Variants in ZNF23 observed in about 807,000 individuals in gnomAD.
ZNF23 encodes kruppel-like zinc finger factor X31.
A neutral mutation model predicts 56.2 loss-of-function variants in ZNF23; 48 were observed. The ratio of observed to expected loss-of-function variants is 0.85; its 90% CI spans 0.68 to 1.09. The LOEUF is 1.09. Ranked by LOEUF, ZNF23 falls within the 50% of genes least tolerant of loss-of-function variation. The pLI is 0.00. For missense variants in ZNF23, 805 were observed against 811.4 expected (o/e 0.99, Z 0.10); for synonymous variants, 266 against 283.3 (o/e 0.94, Z 0.61).
Position 71,456,786 on chromosome 16 carries a change from A to G in ZNF23, c.11T>C (p.Met4Thr). 2 of 986,008 alleles carry G rather than the reference A, an allele frequency of 2.0e-6. No homozygotes were observed. The highest frequency in any genetic ancestry group is 4.7e-5 in the South Asian group (1 of 21,282). The allele number at this position is 986,008 out of a possible 1,614,324, so 61.1% of individuals were successfully genotyped here. Residue 4 changes from methionine (M) to threonine (T), a missense_variant, in exon 2 of 5, where the codon ATG becomes ACG. Physicochemically the swap from Met to Thr is moderately conservative, Grantham distance 81. Coordinates refer to ENST00000647773, the MANE Select transcript of ZNF23 (RefSeq NM_001381984.1). MAAMHLTAWPQKSV... is the reference protein window; with the variant it reads MAATHLTAWPQKSV... Reference sequence around the variant, plus strand: ...CACCTGGGGCCAGGCTGTCAGGTGCATGGCTGCCATCCCCTGGTCCCCGTC... The same window carrying G: ...CACCTGGGGCCAGGCTGTCAGGTGCGTGGCTGCCATCCCCTGGTCCCCGTC...
intron 4 of ZNF23, 147 bp downstream of exon 4, chr16:71,453,096 T>C (rs1238001587): frequency 3.6e-6 from 2 of 557,374 alleles, no homozygotes; most frequent in Non-Finnish European, 6.5e-6. Context: ...AGATAAGGAC[T>C]ACCTATCTCT....
In ZNF23 at chr16:71,450,787, A is replaced by T. The variant is rs1188626866; in HGVS notation, c.269-902T>A. On this transcript the variant is annotated intron_variant, in intron 4 of 4. Coordinates refer to ENST00000647773, the MANE Select transcript of ZNF23 (RefSeq NM_001381984.1). Reference sequence around the variant, plus strand: ...TTGTCCACCAGCTCAGCATTCTTTTAATCACACCATGCTTTTCTACACCCT... The same window carrying T: ...TTGTCCACCAGCTCAGCATTCTTTTTATCACACCATGCTTTTCTACACCCT... 1.0e-5 allele frequency: 4 copies of T among 385,666 alleles called. No individual in the cohort carries two copies. The Admixed American group carries it at 1.2e-4, about 11-fold the overall frequency. 23.9% of individuals were successfully genotyped at this position (385,666 alleles called of 1,614,324 possible). A position where few individuals can be genotyped will look rare whatever the true frequency, so the allele number is the denominator to read the frequency against.
chr16:71,450,069 T>C (rs1339366974), intron 4 of ZNF23, 184 bp from the exon 5 acceptor site: 7 of 497,088 alleles, frequency 1.4e-5, no homozygotes, highest in Admixed American at 7.6e-5. Flanking sequence ...AAGAATACAA[T>C]AAATCCATAT....
chr16:71,450,458 C>T (rs2043016608), intron 4 of ZNF23: 1 of 250,424 alleles, frequency 4.0e-6, no homozygotes, highest in Non-Finnish European at 8.0e-6. Context: ...GTAGCTCACA[C>T]CTGTAATCCC....
intron 2 of ZNF23, among the ~76,000 whole-genome samples, chr16:71,454,396 G>A (rs923506039): frequency 1.2e-4 from 19 of 152,222 alleles, no homozygotes; most frequent in African/African-American, 4.6e-4. Flanking sequence ...CAAATAAGAG[G>A]TCACATTAAG....
chr16:71,448,861 A>C lies in ZNF23; in HGVS notation c.1293T>G (p.Gly431=), dbSNP rs771616601. 12 of 1,613,764 alleles carry C rather than the reference A, an allele frequency of 7.4e-6. No homozygotes were observed. The highest frequency in any genetic ancestry group is 1.0e-5 in the Non-Finnish European group (12 of 1,179,936). The change falls in exon 5 of 5, where the codon GGT becomes GGG. Residue 431 remains glycine, a synonymous_variant. Transcript: ENST00000647773. ...KLIQHQRIHT[G]EKPYECTECG... ...ATTCAGTGCATTCATAGGGTTTCTC[A>C]CCTGTGTGGATTCTCTGATGCTGAA...
At position 71,449,835 on chromosome 16, in the gene ZNF23, CTT is replaced by C; in HGVS notation, c.317_318del (p.Lys106ArgfsTer6). 3 of 1,611,882 alleles carry C rather than the reference CTT, an allele frequency of 1.9e-6. No individual in the cohort carries two copies. The highest frequency in any genetic ancestry group is 2.5e-6 in the Non-Finnish European group (3 of 1,179,600). On this transcript the variant is annotated frameshift_variant, in exon 5 of 5. Coordinates refer to ENST00000647773, the MANE Select transcript of ZNF23 (RefSeq NM_001381984.1). LOFTEE classifies it high-confidence loss of function. ...NDLTKEMYEG[K>X]ENVSFELQRD... ...CTTTGAAGTTCAAATGATACATTCT[CTT>C]TTCCTTCATACATTTCCTTTGTCAA...
chr16:71,460,057 A>C (rs1259177153), intron 1 of ZNF23, among the ~76,000 whole-genome samples: 5 of 152,238 alleles, frequency 3.3e-5, no homozygotes, highest in Non-Finnish European at 7.3e-5. Context: ...GGCTCAGCAG[A>C]GGAGCAGGTG....
intron 3 of ZNF23, chr16:71,453,637 A>G: frequency 2.1e-6 from 1 of 469,076 alleles, no homozygotes; most frequent in Non-Finnish European, 3.8e-6. Flanking sequence ...GACCTCATGC[A>G]GGGCAAGCAG....
rs2042916591 is a variant in ZNF23, at chr16:71,448,252, C to T, written c.1902G>A (p.Val634=). Residue 634 remains valine (V), a synonymous_variant, in exon 5 of 5, where the codon GTG becomes GTA. Transcript: ENST00000647773. ...SHTGEKPFRC[V]ECGKGFSFSS... ...TAAAGCTGAAGCCTTTGCCACATTC[C>T]ACACATCTGAAGGGTTTCTCCCCAG... The T allele has an allele frequency of 1.9e-6, 3 of 1,614,240 alleles. No homozygotes were observed. Among genetic ancestry groups the T allele is most frequent in the Non-Finnish European group, 2.5e-6 (3 of 1,180,038 alleles).
At position 71,448,141 on chromosome 16, in the gene ZNF23, G is replaced by A. The variant is rs1435388917; in HGVS notation, c.2013C>T (p.Ser671=). 6.2e-7 allele frequency: 1 copy of A among 1,613,462 alleles called. No individual in the cohort carries two copies. Among genetic ancestry groups the A allele is most frequent in the Non-Finnish European group, 8.5e-7 (1 of 1,179,824 alleles). The stretch of plus-strand genomic sequence containing the variant: ...CACTCTGATGCTGACTGAGCTGGAA[G>A]CTAAACCTGAATGCTTTCCCACACA... The part of the protein sequence containing the change: ...CSVCGKAFRF[S]FQLSQHQSVH... Residue 671 remains serine, a synonymous_variant, in exon 5 of 5, where the codon AGC becomes AGT. Coordinates refer to ENST00000647773, the MANE Select transcript of ZNF23 (RefSeq NM_001381984.1).
chr16:71,455,659 G>C (rs558414777), intron 2 of ZNF23, among the ~76,000 whole-genome samples: 2 of 152,180 alleles, frequency 1.3e-5, no homozygotes, highest in East Asian at 3.9e-4. Flanking sequence ...ACCCGGCCAT[G>C]ATTTTTCTAT....
At chr16:71,456,054 C>T (rs1475440348) in intron 2 of ZNF23, 10 of 456,400 alleles carry the variant, frequency 2.2e-5, no homozygotes, top group Non-Finnish European at 4.4e-5. Context: ...ACTGGTGTGA[C>T]TGTGGACTGT....
intron 4 of ZNF23, among the ~76,000 whole-genome samples, chr16:71,452,896 G>C (rs1384028677): frequency 6.6e-6 from 1 of 152,162 alleles, no homozygotes; most frequent in Non-Finnish European, 1.5e-5. Flanking sequence ...TGTGTGAAAA[G>C]GCTGTTAATT....
At position 71,458,432 on chromosome 16, in the gene ZNF23, C is replaced by T. The variant is rs146185701; in HGVS notation, c.-32-1604G>A. ...CAGAGCTAGTTTGCTTTTCCCACTTCTTCTTTTGAATATATGTGCTTTCTA... is the reference window on the plus strand; with the variant it reads ...CAGAGCTAGTTTGCTTTTCCCACTTTTTCTTTTGAATATATGTGCTTTCTA... On this transcript the variant is annotated intron_variant, in intron 1 of 4. Coordinates refer to ENST00000647773, the MANE Select transcript of ZNF23 (RefSeq NM_001381984.1). Among the ~76,000 whole-genome samples, 112 of 152,308 alleles carry T rather than the reference C, an allele frequency of 7.4e-4. 1 individual carries two copies. The highest frequency in any genetic ancestry group is 2.4e-3 in the African/African-American group (101 of 41,564).
chr16:71,456,108 G>A (rs755849007), intron 2 of ZNF23: 1 of 451,180 alleles, frequency 2.2e-6, no homozygotes, highest in Non-Finnish European at 4.4e-6. Context: ...AGCTTCAGGG[G>A]ATCCGTGAAG....
chr16:71,448,465 A>G lies in ZNF23; in HGVS notation c.1689T>C (p.Thr563=), dbSNP rs760918964. Residue 563 remains threonine (T), a synonymous_variant, in exon 5 of 5, where the codon ACT becomes ACC. Coordinates refer to ENST00000647773, the MANE Select transcript of ZNF23 (RefSeq NM_001381984.1). Reference sequence around the variant, plus strand: ...CCCCAGTATGTATCCTCTGATGCCTAGTTAGTTTGGCATTGATACTGAAGG... The same window carrying G: ...CCCCAGTATGTATCCTCTGATGCCTGGTTAGTTTGGCATTGATACTGAAGG... ...GKAFSINAKL[T]RHQRIHTGEK... is the part of the protein sequence containing the mutation. The G allele has an allele frequency of 1.9e-6, 3 of 1,614,092 alleles. No homozygotes were observed. Among genetic ancestry groups the G allele is most frequent in the Non-Finnish European group, 2.5e-6 (3 of 1,179,952 alleles).
At chr16:71,453,505 AG>A (rs2043125444) in intron 3 of ZNF23, 155 bp from the exon 4 acceptor site, 1 of 600,634 alleles carries the variant, frequency 1.7e-6, no homozygotes, top group East Asian at 2.8e-5. Context: ...TGTGGGGCTT[AG>A]GAAGGACTAA....
rs747510482 is a variant in ZNF23 at position 71,449,093 on chromosome 16, T to C, written c.1061A>G (p.Asn354Ser). 4 of 1,614,212 alleles carry C rather than the reference T, an allele frequency of 2.5e-6. No individual in the cohort carries two copies. The highest frequency in any genetic ancestry group is 1.1e-5 in the South Asian group (1 of 91,082). The stretch of plus-strand genomic sequence containing the variant: ...AACATTGAACGCTTTCCCACAGTCA[T>C]TACACTCGTAAGGTTTCTCTCCAGT... ...VHTGEKPYECNDCGKAFNVNA... is the reference protein window; with the variant it reads ...VHTGEKPYECSDCGKAFNVNA... Residue 354 changes from asparagine to serine, a missense_variant, in exon 5 of 5, where the codon AAT becomes AGT. Transcript: ENST00000647773.
Sources: allele counts gnomAD v4.1 joint callset (sites outside exome capture counted in the v4.1 genomes callset), GRCh38; gene constraint gnomAD v4.1.1; transcripts MANE v1.5; gene names NCBI Gene and HGNC (gene_info 2026-07-23, HGNC 2026-07-21).